The following TNS3 variants were observed in gnomAD, a reference collection of about 807,000 sequenced individuals.
The protein encoded by TNS3 is tensin 3.
Under a neutral mutation model 140.9 loss-of-function variants are expected in TNS3, and 45 were observed. That is an observed-to-expected ratio of 0.32 (90% CI 0.25 to 0.41). The LOEUF (loss-of-function observed/expected upper bound fraction) is 0.41. Ranked by LOEUF, TNS3 falls within the 10% of genes least tolerant of loss-of-function variation. The probability of loss-of-function intolerance (pLI) is 1.00; values close to 1 mark genes in which losing one functional copy is unlikely to be tolerated. For synonymous variants in TNS3, 815 were observed against 788.4 expected, an observed-to-expected ratio of 1.03 and a Z score of -0.56; for missense variants, 1,716 against 1,906.7, an observed-to-expected ratio of 0.90 and a Z score of 1.86.
intron 5 of TNS3, 58 bp downstream of exon 5, chr7:47,441,945 G>C: frequency 8.2e-7 from 1 of 1,216,068 alleles, no homozygotes; most frequent in Non-Finnish European, 1.1e-6. Context: ...AGTTTCCTCT[G>C]TAGAGAGCTG....
chr7:47,475,342 G>T (rs1178077443), intron 4 of TNS3, among the ~76,000 whole-genome samples: 1 of 152,258 alleles, frequency 6.6e-6, no homozygotes, highest in Non-Finnish European at 1.5e-5. Flanking sequence ...CAGGGCCACA[G>T]ACCACAGTGG....
At chr7:47,568,932 A>G (rs1800489756) in intron 1 of TNS3, among the ~76,000 whole-genome samples, 1 of 152,248 alleles carries the variant, frequency 6.6e-6, no homozygotes, top group Non-Finnish European at 1.5e-5. Context: ...TCTCCTCCTC[A>G]CTGTGGCTGT....
At chr7:47,432,725 G>A (rs542848203) in intron 8 of TNS3, among the ~76,000 whole-genome samples, 1 of 152,320 alleles carries the variant, frequency 6.6e-6, no homozygotes, top group East Asian at 1.9e-4. Context: ...GGATGTACGT[G>A]AACAGATGGA....
Position 47,530,838 on chromosome 7 carries a change from A to AAAAAAAAAATATAT in TNS3, c.-264-1692_-264-1691insATATATTTTTTTTT. On this transcript the variant is annotated intron_variant, in intron 1 of 30. Coordinates refer to ENST00000311160, the MANE Select transcript of TNS3 (RefSeq NM_022748.12). Reference sequence around the variant, plus strand: ...AACTCCATCTCAAAAAAAAAAAAAAAATATATATATATATATATATTTCTA... The same window carrying AAAAAAAAAATATAT: ...AACTCCATCTCAAAAAAAAAAAAAAAAAAAAAAAATATATATATATATATATATATATATTTCTA... 4.0e-4 allele frequency among the ~76,000 whole-genome samples: 22 copies of AAAAAAAAAATATAT among 54,562 alleles called. 1 individual carries two copies. Among genetic ancestry groups the AAAAAAAAAATATAT allele is most frequent in the African/African-American group, 1.7e-3 (21 of 12,642 alleles). The allele number at this position is 54,562 out of a possible 152,430, so 35.8% of individuals were successfully genotyped here.
At chr7:47,350,986 C>G (rs1200593499) in intron 17 of TNS3, among the ~76,000 whole-genome samples, 1 of 152,110 alleles carries the variant, frequency 6.6e-6, no homozygotes, top group Non-Finnish European at 1.5e-5. Context: ...CTCATAAGAG[C>G]TTCTCTCTGG....
chr7:47,483,659 T>C (rs899847798), intron 3 of TNS3, among the ~76,000 whole-genome samples: 17 of 152,334 alleles, frequency 1.1e-4, no homozygotes, highest in Admixed American at 1.1e-3. Context: ...GGTCTGTGTG[T>C]TCCCACATCC....
At chr7:47,364,971 C>T (rs2151120423) in intron 17 of TNS3, among the ~76,000 whole-genome samples, 1 of 152,250 alleles carries the variant, frequency 6.6e-6, no homozygotes, top group East Asian at 1.9e-4. Context: ...GGACCAATGG[C>T]CCCAGATGCC....
At chr7:47,460,308 C>CTACA (rs1024503479) in intron 4 of TNS3, among the ~76,000 whole-genome samples, 1 of 151,978 alleles carries the variant, frequency 6.6e-6, no homozygotes, top group African/African-American at 2.4e-5. Flanking sequence ...AAACGGCCAC[C>CTACA]TACAAGCCAA....
intron 4 of TNS3, among the ~76,000 whole-genome samples, chr7:47,445,658 C>T (rs1425198265): frequency 1.3e-5 from 2 of 152,122 alleles, no homozygotes; most frequent in African/African-American, 2.4e-5. Context: ...GACTAAAATC[C>T]CCCTGAATCA....
intron 1 of TNS3, among the ~76,000 whole-genome samples, chr7:47,567,850 A>G (rs150691101): frequency 9.5e-4 from 144 of 152,298 alleles, no homozygotes; most frequent in Middle Eastern, 3.4e-3. Flanking sequence ...GCAACTGGTG[A>G]GTGGTTGAGT....
At chr7:47,444,327 C>T (rs1220243083) in intron 4 of TNS3, among the ~76,000 whole-genome samples, 1 of 152,232 alleles carries the variant, frequency 6.6e-6, no homozygotes, top group African/African-American at 2.4e-5. Flanking sequence ...AGTACACTGG[C>T]CCAGTTCCTA....
At chr7:47,446,358 A>G (rs1231825310) in intron 4 of TNS3, among the ~76,000 whole-genome samples, 1 of 152,182 alleles carries the variant, frequency 6.6e-6, no homozygotes, top group Non-Finnish European at 1.5e-5. Context: ...CGTCCTCAGA[A>G]GCCTTCCCAA....
intron 4 of TNS3, among the ~76,000 whole-genome samples, chr7:47,465,271 T>C (rs1478557172): frequency 6.6e-6 from 1 of 152,212 alleles, no homozygotes; most frequent in Non-Finnish European, 1.5e-5. Context: ...CACCCAGATG[T>C]CAACGGCTCA....
At chr7:47,446,054 C>T (rs1379483634) in intron 4 of TNS3, among the ~76,000 whole-genome samples, 1 of 151,236 alleles carries the variant, frequency 6.6e-6, no homozygotes, top group Non-Finnish European at 1.5e-5. Flanking sequence ...ACTCTCTCTA[C>T]TTGTAGGCAC....
intron 1 of TNS3, among the ~76,000 whole-genome samples, chr7:47,578,527 T>C (rs1341777839): frequency 6.7e-6 from 1 of 148,450 alleles, no homozygotes; most frequent in Non-Finnish European, 1.5e-5. Context: ...GGATACCAGG[T>C]AGAGCTGCGC....
intron 2 of TNS3, among the ~76,000 whole-genome samples, chr7:47,512,997 G>A (rs575041584): frequency 6.6e-6 from 1 of 152,252 alleles, no homozygotes; most frequent in East Asian, 1.9e-4. Flanking sequence ...TGACTGGAAT[G>A]TTTGCAATGT....
intron 21 of TNS3, among the ~76,000 whole-genome samples, chr7:47,304,478 G>A (rs1786624186): frequency 6.6e-6 from 1 of 152,178 alleles, no homozygotes; most frequent in Non-Finnish European, 1.5e-5. Flanking sequence ...ACGTATGAAT[G>A]TCCTCAGGGG....
chr7:47,457,765 T>C (rs1234275976), intron 4 of TNS3, among the ~76,000 whole-genome samples: 1 of 152,178 alleles, frequency 6.6e-6, no homozygotes, highest in East Asian at 1.9e-4. Context: ...TGAAGGACCA[T>C]GGGAAAGGAC....
At chr7:47,413,793 C>T (rs938274506) in intron 12 of TNS3, 144 bp downstream of exon 12, 1 of 978,128 alleles carries the variant, frequency 1.0e-6, no homozygotes, top group Non-Finnish European at 1.5e-6. Flanking sequence ...GGATTTTCCC[C>T]ACTGGACTCT....
Sources: allele counts gnomAD v4.1 joint callset (sites outside exome capture counted in the v4.1 genomes callset), GRCh38; gene constraint gnomAD v4.1.1; transcripts MANE v1.5; gene names NCBI Gene and HGNC (gene_info 2026-07-23, HGNC 2026-07-21).